The following MACROD2 variants were observed in gnomAD, a reference collection of about 807,000 sequenced individuals.
MACROD2 encodes the protein mono-ADP ribosylhydrolase 2.
A neutral mutation model predicts 70.4 loss-of-function variants in MACROD2; 36 were observed. The ratio of observed to expected loss-of-function variants is 0.51; its 90% confidence interval spans 0.39 to 0.68. The LOEUF (loss-of-function observed/expected upper bound fraction) is 0.68. MACROD2 is among the 30% of genes least tolerant of loss of function. The pLI, the probability that MACROD2 is intolerant of heterozygous loss-of-function variation, is 0.00. For missense variants in MACROD2, 496 were observed against 538.4 expected, an observed-to-expected ratio of 0.92 and a Z score of 0.78; for synonymous variants, 172 against 178.8, an observed-to-expected ratio of 0.96 and a Z score of 0.30.
At chr20:14,811,308 C>G (rs1158670916) in intron 5 of MACROD2, among the ~76,000 whole-genome samples, 2 of 151,928 alleles carry the variant, frequency 1.3e-5, no homozygotes, top group African/African-American at 4.8e-5. Flanking sequence ...CCTGATCTTT[C>G]ACAAACCTCA....
At chr20:15,615,714 G>GA (rs990758015) in intron 8 of MACROD2, among the ~76,000 whole-genome samples, 14 of 152,122 alleles carry the variant, frequency 9.2e-5, no homozygotes, top group Non-Finnish European at 1.9e-4. Flanking sequence ...ATTCCACTTT[G>GA]AAGCCCTCAC....
intron 5 of MACROD2, among the ~76,000 whole-genome samples, chr20:15,197,993 G>T (rs1197007725): frequency 5.9e-5 from 6 of 102,464 alleles, no homozygotes; most frequent in Admixed American, 2.8e-4. Flanking sequence ...ACGGAGTCTT[G>T]CTCTGTCACC....
intron 15 of MACROD2, among the ~76,000 whole-genome samples, chr20:16,004,742 C>G (rs1023594101): frequency 6.6e-6 from 1 of 152,124 alleles, no homozygotes; most frequent in African/African-American, 2.4e-5. Context: ...CAGCTTAACT[C>G]TTTCTCTCTC....
intron 4 of MACROD2, among the ~76,000 whole-genome samples, chr20:14,515,463 A>ACACACGCGCGCGCGCGCG (rs34190778): frequency 5.0e-5 from 7 of 138,822 alleles, no homozygotes; most frequent in African/African-American, 2.0e-4. Context: ...ATACACACAC[A>ACACACGCGCGCGCGCGCG]CGCACACACA....
intron 3 of MACROD2, among the ~76,000 whole-genome samples, chr20:14,099,135 G>T (rs1014606907): frequency 6.6e-6 from 1 of 152,002 alleles, no homozygotes; most frequent in Non-Finnish European, 1.5e-5. Flanking sequence ...AAAATTAGCC[G>T]GGCGTGGTGG....
rs549980996 is a variant in MACROD2, at chr20:14,785,486, C to G, written c.418+100527C>G. On this transcript the variant is annotated intron_variant, in intron 5 of 17. Coordinates refer to ENST00000684519, the MANE Select transcript of MACROD2 (RefSeq NM_001351661.2). ...TTGAGGGAAGGGGAGAGGGCCAGTCCCCCTGGGGGACTTGGAGTCAAGACA... is the reference window on the plus strand; with the variant it reads ...TTGAGGGAAGGGGAGAGGGCCAGTCGCCCTGGGGGACTTGGAGTCAAGACA... Among the ~76,000 whole-genome samples the G allele has an allele frequency of 1.1e-4, 16 of 151,426 alleles. 1 individual carries two copies. The highest frequency in any genetic ancestry group is 3.4e-4 in the African/African-American group (14 of 40,880).
chr20:15,110,751 G>A (rs569942096), intron 5 of MACROD2, among the ~76,000 whole-genome samples: 1 of 152,256 alleles, frequency 6.6e-6, no homozygotes, highest in East Asian at 1.9e-4. Flanking sequence ...GAGAGGAGAG[G>A]CCTCCATCAA....
intron 5 of MACROD2, among the ~76,000 whole-genome samples, chr20:15,218,736 G>A (rs912046099): frequency 6.6e-6 from 1 of 152,064 alleles, no homozygotes; most frequent in African/African-American, 2.4e-5. Flanking sequence ...CAATTACTCC[G>A]GATTTTGAAG....
chr20:14,186,604 C>A (rs1010566270), intron 3 of MACROD2, among the ~76,000 whole-genome samples: 2 of 152,006 alleles, frequency 1.3e-5, no homozygotes, highest in African/African-American at 4.8e-5. Context: ...GGGTATATAC[C>A]CAAACGAAAC....
chr20:14,287,655 G>A (rs2082355699), intron 3 of MACROD2, among the ~76,000 whole-genome samples: 2 of 152,250 alleles, frequency 1.3e-5, no homozygotes, highest in Admixed American at 1.3e-4. Flanking sequence ...TGAGTCTTCT[G>A]TTTAGGTTCC....
At chr20:14,933,404 G>T (rs756704861) in intron 5 of MACROD2, among the ~76,000 whole-genome samples, 1 of 152,104 alleles carries the variant, frequency 6.6e-6, no homozygotes, top group Non-Finnish European at 1.5e-5. Flanking sequence ...TTTTGGCTGG[G>T]TGTTGTGGCT....
At chr20:14,320,653 C>A (rs114169867) in intron 3 of MACROD2, among the ~76,000 whole-genome samples, 2,033 of 148,048 alleles carry the variant, frequency 0.014, 36 homozygotes, top group African/African-American at 0.048. Flanking sequence ...ACATCATAAT[C>A]ACCTTTGGAA....
chr20:14,222,833 A>G (rs915561189), intron 3 of MACROD2, among the ~76,000 whole-genome samples: 1 of 150,308 alleles, frequency 6.7e-6, no homozygotes, highest in South Asian at 2.1e-4. Context: ...AAAAAAAAAA[A>G]AAAAAAAAAG....
intron 4 of MACROD2, among the ~76,000 whole-genome samples, chr20:14,628,162 T>A (rs1600476026): frequency 6.6e-6 from 1 of 152,166 alleles, no homozygotes; most frequent in Non-Finnish European, 1.5e-5. Flanking sequence ...AACACTTCTT[T>A]AGGATCAGAC....
intron 5 of MACROD2, among the ~76,000 whole-genome samples, chr20:15,177,990 G>A (rs946281675): frequency 1.4e-4 from 21 of 151,782 alleles, no homozygotes; most frequent in African/African-American, 4.4e-4. Flanking sequence ...AAAGCAGGAA[G>A]CATTGGTTTA....
intron 5 of MACROD2, among the ~76,000 whole-genome samples, chr20:14,879,422 T>G (rs1049864658): frequency 4.6e-5 from 7 of 152,196 alleles, no homozygotes; most frequent in Admixed American, 1.3e-4. Context: ...AGTTTTGAAA[T>G]TCAGACATAA....
At chr20:15,458,627 G>GTA (rs2046763759) in intron 7 of MACROD2, among the ~76,000 whole-genome samples, 1 of 108,946 alleles carries the variant, frequency 9.2e-6, no homozygotes, top group Non-Finnish European at 2.1e-5. Flanking sequence ...TTGTTTTTTT[G>GTA]TTTTTTTTTT....
intron 4 of MACROD2, among the ~76,000 whole-genome samples, chr20:14,626,161 T>G (rs1460065184): frequency 6.6e-6 from 1 of 152,132 alleles, no homozygotes; most frequent in African/African-American, 2.4e-5. Context: ...TATATTACAT[T>G]GCTTTAGATC....
intron 8 of MACROD2, among the ~76,000 whole-genome samples, chr20:15,623,847 T>C (rs767572440): frequency 5.9e-5 from 9 of 152,134 alleles, no homozygotes; most frequent in Admixed American, 1.3e-4. Context: ...TAGTATTCAA[T>C]AGTACTATGT....
Sources: gnomAD v4.1 joint callset for allele counts (sites outside exome capture counted in the v4.1 genomes callset) on GRCh38, gnomAD v4.1.1 for gene constraint, MANE v1.5 for transcripts, NCBI Gene and HGNC (gene_info 2026-07-23, HGNC 2026-07-21) for gene names.